DOCK4: variants seen among roughly 807,000 people sequenced by gnomAD.
DOCK4 encodes the protein dedicator of cytokinesis 4.
DOCK4 carries 97 observed loss-of-function variants against 268.1 expected under a neutral mutation model. The ratio of observed to expected loss-of-function variants is 0.36; its 90% CI spans 0.31 to 0.43. DOCK4 has a LOEUF of 0.43. Ranked by LOEUF, DOCK4 falls within the 20% of genes least tolerant of loss-of-function variation. The probability of loss-of-function intolerance (pLI) is 1.00; values close to 1 mark genes in which losing one functional copy is unlikely to be tolerated. For missense variants in DOCK4, 2,145 were observed against 2,455.7 expected, an observed-to-expected ratio of 0.87 and a Z score of 2.67; for synonymous variants, 954 against 887.2, an observed-to-expected ratio of 1.08 and a Z score of -1.34.
intron 26 of DOCK4, among the ~76,000 whole-genome samples, chr7:111,826,824 A>G (rs1201278986): frequency 6.6e-6 from 1 of 152,196 alleles, no homozygotes; most frequent in Non-Finnish European, 1.5e-5. Flanking sequence ...CCCAAACCTC[A>G]GCATCACGCA....
At chr7:111,961,770 C>T (rs1041390432) in intron 8 of DOCK4, among the ~76,000 whole-genome samples, 3 of 152,122 alleles carry the variant, frequency 2.0e-5, no homozygotes, top group Admixed American at 6.6e-5. Context: ...TTATGAAAAA[C>T]GTAACTGTCA....
chr7:111,754,791 G>A (rs1294561958), intron 42 of DOCK4, among the ~76,000 whole-genome samples: 7 of 152,124 alleles, frequency 4.6e-5, no homozygotes, highest in African/African-American at 7.2e-5. Context: ...TTTTACAACC[G>A]GAGGGTTCTT....
At chr7:112,164,866 G>A (rs1817452228) in intron 1 of DOCK4, among the ~76,000 whole-genome samples, 1 of 152,170 alleles carries the variant, frequency 6.6e-6, no homozygotes, top group Non-Finnish European at 1.5e-5. Context: ...CCACTACAGA[G>A]TACTGGGAAA....
chr7:112,133,576 C>G (rs1027788273), intron 1 of DOCK4, among the ~76,000 whole-genome samples: 2 of 151,940 alleles, frequency 1.3e-5, no homozygotes, highest in Non-Finnish European at 2.9e-5. Context: ...CCTAAAATAG[C>G]CGGGCATGGT....
intron 1 of DOCK4, among the ~76,000 whole-genome samples, chr7:112,130,748 A>G (rs1260883066): frequency 6.6e-6 from 1 of 152,240 alleles, no homozygotes; most frequent in Non-Finnish European, 1.5e-5. Flanking sequence ...TAAAATGTAC[A>G]GAGGCTGAGT....
chr7:112,156,485 G>A (rs1399202948), intron 1 of DOCK4, among the ~76,000 whole-genome samples: 3 of 152,194 alleles, frequency 2.0e-5, no homozygotes, highest in Non-Finnish European at 4.4e-5. Context: ...CAGTGAGCCA[G>A]AAAGCTAAAG....
intron 1 of DOCK4, among the ~76,000 whole-genome samples, chr7:112,173,516 T>C (rs1285631037): frequency 6.6e-6 from 1 of 152,136 alleles, no homozygotes; most frequent in African/African-American, 2.4e-5. Flanking sequence ...AGAAGTGGCT[T>C]TGAGGCCTGT....
intron 41 of DOCK4, 151 bp downstream of exon 41, chr7:111,758,473 G>T (rs1057363211): frequency 1.4e-5 from 12 of 883,188 alleles, no homozygotes; most frequent in Non-Finnish European, 1.7e-5. Flanking sequence ...GATGCACGTG[G>T]AGCTGCAGAA....
rs1186662584 is a variant in DOCK4 at position 112,121,165 on chromosome 7, T to C, written c.37+84937A>G. On this transcript the variant is annotated intron_variant, in intron 1 of 52. Coordinates refer to ENST00000428084, the MANE Select transcript of DOCK4 (RefSeq NM_001363540.2). ...GCAAAACTAAATAACTCTCTTATCATCTCATATGTGGAAGTGCTGGGATCT... is the reference window on the plus strand; with the variant it reads ...GCAAAACTAAATAACTCTCTTATCACCTCATATGTGGAAGTGCTGGGATCT... 3.3e-5 allele frequency among the ~76,000 whole-genome samples: 5 copies of C among 152,352 alleles called. No homozygotes were observed. The South Asian group carries it at 1.0e-3, about 32-fold the overall frequency.
At chr7:112,157,037 CAT>C (rs1419091253) in intron 1 of DOCK4, among the ~76,000 whole-genome samples, 1 of 151,998 alleles carries the variant, frequency 6.6e-6, no homozygotes, top group African/African-American at 2.4e-5. Context: ...GACAGGGAAA[CAT>C]GTAATTTTTC....
At chr7:111,979,998 G>A (rs925286506) in intron 7 of DOCK4, among the ~76,000 whole-genome samples, 9 of 152,192 alleles carry the variant, frequency 5.9e-5, no homozygotes, top group African/African-American at 2.2e-4. Context: ...AAGCTCCCCA[G>A]GTGATTCTAA....
intron 12 of DOCK4, among the ~76,000 whole-genome samples, chr7:111,916,148 G>A (rs1792568163): frequency 6.6e-6 from 1 of 152,080 alleles, no homozygotes; most frequent in Non-Finnish European, 1.5e-5. Flanking sequence ...ACTCTAAGAG[G>A]CAGCCTGGCT....
intron 1 of DOCK4, among the ~76,000 whole-genome samples, chr7:112,043,237 T>C (rs1019794164): frequency 6.9e-6 from 1 of 145,118 alleles, no homozygotes; most frequent in Non-Finnish European, 1.5e-5. Context: ...ATCTCCTTTA[T>C]AAAAAAAAAA....
At chr7:111,839,123 G>T (rs1454588685) in intron 25 of DOCK4, among the ~76,000 whole-genome samples, 1 of 152,194 alleles carries the variant, frequency 6.6e-6, no homozygotes, top group Non-Finnish European at 1.5e-5. Context: ...CTAGAAGTCT[G>T]TACTCAGTGA....
intron 10 of DOCK4, among the ~76,000 whole-genome samples, chr7:111,942,177 A>G (rs996060428): frequency 6.6e-6 from 1 of 152,174 alleles, no homozygotes; most frequent in African/African-American, 2.4e-5. Context: ...CCAAAAGTCA[A>G]AAGGGAGGCA....
intron 8 of DOCK4, among the ~76,000 whole-genome samples, chr7:111,973,465 G>C (rs181197799): frequency 6.6e-6 from 1 of 152,028 alleles, no homozygotes; most frequent in Non-Finnish European, 1.5e-5. Context: ...TGACACATAA[G>C]TTGCAGGAAT....
chr7:112,129,474 C>T (rs761893086), intron 1 of DOCK4, among the ~76,000 whole-genome samples: 5 of 152,014 alleles, frequency 3.3e-5, no homozygotes, highest in Admixed American at 2.0e-4. Context: ...ATATACCATA[C>T]GTGAGACTAA....
In DOCK4 at chr7:111,813,534, G is replaced by A. The variant is rs143935948; in HGVS notation, c.2931-1585C>T. Among the ~76,000 whole-genome samples, 559 of 152,210 alleles carry A rather than the reference G, an allele frequency of 3.7e-3. 4 individuals are homozygous for A. The highest frequency in any genetic ancestry group is 0.013 in the African/African-American group (528 of 41,542). On this transcript the variant is annotated intron_variant, in intron 27 of 52. Transcript: ENST00000428084. ...GACAACCACGATTTCATGGGCATTC[G>A]CTCTACCATGAACAGGCACTGTTAC...
At chr7:111,833,595 G>A (rs1563566468) in intron 26 of DOCK4, among the ~76,000 whole-genome samples, 1 of 151,850 alleles carries the variant, frequency 6.6e-6, no homozygotes, top group Non-Finnish European at 1.5e-5. Context: ...GATGCCATAT[G>A]CCAAATGACT....
Sources: allele counts gnomAD v4.1 joint callset (sites outside exome capture counted in the v4.1 genomes callset), GRCh38; gene constraint gnomAD v4.1.1; transcripts MANE v1.5; gene names NCBI Gene and HGNC (gene_info 2026-07-23, HGNC 2026-07-21).